Variants in GRIN2A observed in about 807,000 individuals in gnomAD.
The protein encoded by GRIN2A is glutamate ionotropic receptor NMDA type subunit 2A, also known as glutamate receptor ionotropic, NMDA 2A.
GRIN2A carries 22 observed loss-of-function variants against 113.4 expected under a neutral mutation model. The observed-to-expected ratio is 0.19, with a 90% CI of 0.14 to 0.28. The LOEUF is 0.28. Among genes scored for constraint, GRIN2A ranks in the 10% least tolerant of loss-of-function variants. GRIN2A has a pLI of 1.00. For missense variants in GRIN2A, 1,502 were observed against 1,887.0 expected (o/e 0.80, Z 3.78); for synonymous variants, 827 against 738.4 (o/e 1.12, Z -1.94).
At chr16:10,103,788 C>T (rs1475344784) in intron 2 of GRIN2A, among the ~76,000 whole-genome samples, 2 of 152,172 alleles carry the variant, frequency 1.3e-5, no homozygotes, top group Non-Finnish European at 2.9e-5. Context: ...TCTCTATGGG[C>T]TCTACTTCTT....
chr16:9,913,094 A>T (rs915413449), intron 3 of GRIN2A, among the ~76,000 whole-genome samples: 1 of 152,246 alleles, frequency 6.6e-6, no homozygotes. Flanking sequence ...CTGATAGCTT[A>T]AAGTGTCAGC....
intron 11 of GRIN2A, among the ~76,000 whole-genome samples, chr16:9,787,028 C>T (rs1902271806): frequency 6.6e-6 from 1 of 152,112 alleles, no homozygotes; most frequent in Non-Finnish European, 1.5e-5. Flanking sequence ...CATCACATGA[C>T]AGATAAAGGA....
chr16:10,122,839 T>A (rs2142187667), intron 2 of GRIN2A, among the ~76,000 whole-genome samples: 1 of 152,160 alleles, frequency 6.6e-6, no homozygotes, highest in East Asian at 1.9e-4. Context: ...ATGCAACCAC[T>A]CATTATTTTG....
chr16:10,076,977 G>C (rs778994446), intron 2 of GRIN2A, among the ~76,000 whole-genome samples: 2 of 152,174 alleles, frequency 1.3e-5, no homozygotes, highest in Non-Finnish European at 2.9e-5. Context: ...GATGACCTGC[G>C]TGGGGCCAAT....
At chr16:9,902,663 T>G (rs900701340) in intron 3 of GRIN2A, among the ~76,000 whole-genome samples, 1 of 152,192 alleles carries the variant, frequency 6.6e-6, no homozygotes, top group Non-Finnish European at 1.5e-5. Context: ...TACACCTCAG[T>G]TGCCCTCTCT....
In GRIN2A at chr16:9,763,559, A is replaced by T. The variant is rs1567275622; in HGVS notation, c.3985T>A (p.Phe1329Ile). 6.2e-7 allele frequency: 1 copy of T among 1,613,860 alleles called. No homozygotes were observed. Among genetic ancestry groups the T allele is most frequent in the East Asian group, 2.2e-5 (1 of 44,846 alleles). Reference protein sequence around the residue: ...LLEGNFYGSLFSVPSSKLSGK... With the variant: ...LLEGNFYGSLISVPSSKLSGK... ...GAGAGTTTGCTTGAGGGGACACTAA[A>T]CAGGCTGCCGTAAAAATTTCCCTCC... is the stretch of plus-strand genomic sequence containing the variant. The change falls in exon 13 of 13, where the codon TTT (phenylalanine) becomes ATT (isoleucine). Residue 1329 changes from phenylalanine to isoleucine, a missense_variant. Around this residue, in one of 7 missense-constraint regions of GRIN2A, gnomAD observed 832 missense variants for 789.7 expected, o/e 1.05. Coordinates refer to ENST00000330684, the MANE Select transcript of GRIN2A (RefSeq NM_001134407.3).
chr16:9,975,731 G>A (rs1009063201), intron 2 of GRIN2A, among the ~76,000 whole-genome samples: 2 of 152,108 alleles, frequency 1.3e-5, no homozygotes, highest in African/African-American at 4.8e-5. Context: ...CTCTCAGAAT[G>A]GATCAAACAA....
At chr16:10,041,872 T>G (rs1309564855) in intron 2 of GRIN2A, among the ~76,000 whole-genome samples, 1 of 152,236 alleles carries the variant, frequency 6.6e-6, no homozygotes, top group Non-Finnish European at 1.5e-5. Flanking sequence ...CACCTCCTTC[T>G]GCAATCTGCA....
In GRIN2A at chr16:10,112,040, C is replaced by T. The variant is rs555560727; in HGVS notation, c.414+67958G>A. ...ATGATCGCCATGAGCTAGTGGCCAT[C>T]GTCTCCCACACCAACCTGAAGAAGA... On this transcript the variant is annotated intron_variant, in intron 2 of 12. Coordinates refer to ENST00000330684, the MANE Select transcript of GRIN2A (RefSeq NM_001134407.3). 6.0e-4 allele frequency: 376 copies of T among 628,186 alleles called. 4 individuals are homozygous for T. Among genetic ancestry groups the T allele is most frequent in the South Asian group, 5.8e-3 (349 of 59,842 alleles). The allele number at this position is 628,186 out of a possible 1,614,324, so 38.9% of individuals were successfully genotyped here.
rs567401937 is a variant in GRIN2A at position 9,819,338 on chromosome 16, C to G, written c.2168+2926G>C. Among the ~76,000 whole-genome samples, 491 of 151,638 alleles carry G rather than the reference C, an allele frequency of 3.2e-3. 2 individuals carry two copies. Among genetic ancestry groups the G allele is most frequent in the African/African-American group, 0.011 (461 of 41,358 alleles). On this transcript the variant is annotated intron_variant, in intron 10 of 12. Coordinates refer to ENST00000330684, the MANE Select transcript of GRIN2A (RefSeq NM_001134407.3). ...GAATTTGAAATCAGCCTGGGTAACACGGCAAAACCTCATCTCCACACGAAA... is the reference window on the plus strand; with the variant it reads ...GAATTTGAAATCAGCCTGGGTAACAGGGCAAAACCTCATCTCCACACGAAA...
intron 3 of GRIN2A, among the ~76,000 whole-genome samples, chr16:9,905,652 G>A (rs568300643): frequency 1.8e-4 from 28 of 152,276 alleles, no homozygotes; most frequent in African/African-American, 4.3e-4. Context: ...GGGGCAGAGC[G>A]ATGTGCCTAT....
At chr16:9,768,810 C>T in intron 12 of GRIN2A, 41 bp downstream of exon 12, 2 of 1,393,726 alleles carry the variant, frequency 1.4e-6, no homozygotes, top group Non-Finnish European at 2.0e-6. Flanking sequence ...CTTTTCTAAA[C>T]CTGCTTGCAG....
intron 11 of GRIN2A, among the ~76,000 whole-genome samples, chr16:9,779,946 A>AAAGC (rs1901844724): frequency 6.6e-6 from 1 of 152,246 alleles, no homozygotes; most frequent in African/African-American, 2.4e-5. Flanking sequence ...TTGTACTGAC[A>AAAGC]TTAAATCTGA....
chr16:9,762,921 G>A lies in GRIN2A; in HGVS notation c.*228C>T. 1.7e-6 allele frequency: 1 copy of A among 593,632 alleles called. No homozygotes were observed. Among genetic ancestry groups the A allele is most frequent in the Non-Finnish European group, 3.0e-6 (1 of 334,228 alleles). The allele number at this position is 593,632 out of a possible 1,614,324, so 36.8% of individuals were successfully genotyped here. A position where few individuals can be genotyped will look rare whatever the true frequency, so the allele number is the denominator to read the frequency against. Reference sequence around the variant, plus strand: ...ATGTAGTTAGTTATTTTTGGTTAAGGACTCACCTATCTGGTGTCTGCCATG... The same window carrying A: ...ATGTAGTTAGTTATTTTTGGTTAAGAACTCACCTATCTGGTGTCTGCCATG... On this transcript the variant is annotated 3_prime_UTR_variant, in exon 13 of 13. Transcript: ENST00000330684.
intron 2 of GRIN2A, among the ~76,000 whole-genome samples, chr16:9,983,230 T>C (rs1225649301): frequency 6.6e-6 from 1 of 152,214 alleles, no homozygotes; most frequent in Non-Finnish European, 1.5e-5. Context: ...TCTAGCGTAA[T>C]TTTGTATCCT....
intron 2 of GRIN2A, among the ~76,000 whole-genome samples, chr16:10,076,614 G>A (rs2047878148): frequency 1.3e-5 from 2 of 152,100 alleles, no homozygotes; most frequent in African/African-American, 4.8e-5. Flanking sequence ...CACTCTCTGG[G>A]GTGTGGCTCT....
At chr16:9,987,239 C>A (rs1436854489) in intron 2 of GRIN2A, among the ~76,000 whole-genome samples, 2 of 152,182 alleles carry the variant, frequency 1.3e-5, no homozygotes, top group African/African-American at 4.8e-5. Flanking sequence ...CCAGACCTCG[C>A]TAAATGATTT....
intron 2 of GRIN2A, among the ~76,000 whole-genome samples, chr16:10,126,912 C>T (rs2048951512): frequency 6.6e-6 from 1 of 152,182 alleles, no homozygotes; most frequent in African/African-American, 2.4e-5. Flanking sequence ...CTCTGAGGAC[C>T]TTCTGAGTCA....
intron 10 of GRIN2A, among the ~76,000 whole-genome samples, chr16:9,798,862 G>C (rs1398870733): frequency 6.6e-6 from 1 of 152,120 alleles, no homozygotes; most frequent in Non-Finnish European, 1.5e-5. Flanking sequence ...AAGGGGAAAG[G>C]AACTAAATAG....
Sources: allele counts gnomAD v4.1 joint callset (sites outside exome capture counted in the v4.1 genomes callset), GRCh38; gene constraint gnomAD v4.1.1; regional missense constraint gnomAD v4.1.1; transcripts MANE v1.5; gene names NCBI Gene and HGNC (gene_info 2026-07-23, HGNC 2026-07-21).